Variants in GNG7 observed in about 807,000 individuals in gnomAD.
GNG7 encodes the protein guanine nucleotide-binding protein G(I)/G(S)/G(O) subunit gamma-7.
A neutral mutation model predicts 4.0 loss-of-function variants in GNG7; 1 was observed. That is an observed-to-expected ratio of 0.25 (90% CI 0.09 to 1.18). The LOEUF (loss-of-function observed/expected upper bound fraction) is 1.18. Ranked by LOEUF, GNG7 falls within the 50% of genes most tolerant of loss-of-function variation. GNG7 has a pLI of 0.50. For synonymous variants in GNG7, 34 were observed against 36.9 expected, an observed-to-expected ratio of 0.92 and a Z score of 0.29; for missense variants, 86 against 91.9, an observed-to-expected ratio of 0.94 and a Z score of 0.26.
At chr19:2,591,113 A>T (rs1423834056) in intron 2 of GNG7, among the ~76,000 whole-genome samples, 1 of 152,184 alleles carries the variant, frequency 6.6e-6, no homozygotes, top group East Asian at 1.9e-4. Context: ...TGGATTCCTG[A>T]TGCTCTCAGT....
intron 3 of GNG7, among the ~76,000 whole-genome samples, chr19:2,553,932 G>T (rs970679795): frequency 1.5e-5 from 2 of 135,668 alleles, no homozygotes; most frequent in Non-Finnish European, 3.1e-5. Flanking sequence ...GTAATATATT[G>T]TATGTAATAT....
chr19:2,638,486 A>ATGGAAGGGGG (rs1982387239), intron 2 of GNG7, among the ~76,000 whole-genome samples: 1 of 12,174 alleles, frequency 8.2e-5, no homozygotes, highest in Admixed American at 9.0e-4. Flanking sequence ...GGGGAGGGGA[A>ATGGAAGGGGG]GGGGAGGGGA....
Position 2,512,995 on chromosome 19 carries a change from G to T in GNG7, c.*2027C>A, listed in dbSNP as rs892650927. 6 of 985,342 alleles carry T rather than the reference G, an allele frequency of 6.1e-6. No individual in the cohort carries two copies. The highest frequency in any genetic ancestry group is 1.7e-5 in the African/African-American group (1 of 57,240). The allele number at this position is 985,342 out of a possible 1,614,324, so 61.0% of individuals were successfully genotyped here. ...TGGGGCTCTCCCGGGCCAACAGCAGGTTTGGCGGGTAGGGCTCCCCGAAGC... is the reference window on the plus strand; with the variant it reads ...TGGGGCTCTCCCGGGCCAACAGCAGTTTTGGCGGGTAGGGCTCCCCGAAGC... On this transcript the variant is annotated 3_prime_UTR_variant, in exon 5 of 5. Transcript: ENST00000382159. This position sits in a 1 kb window ranked among gnomAD's most constrained non-coding sequence, Gnocchi z 4.7.
intron 2 of GNG7, among the ~76,000 whole-genome samples, chr19:2,565,852 G>A (rs968495360): frequency 1.1e-4 from 16 of 152,076 alleles, no homozygotes; most frequent in Admixed American, 9.8e-4. Context: ...AATGATGTGT[G>A]CAGACATTTT....
intron 2 of GNG7, among the ~76,000 whole-genome samples, chr19:2,638,458 A>G (rs1187350664): frequency 1.5e-4 from 3 of 19,948 alleles, no homozygotes; most frequent in Non-Finnish European, 1.9e-4. Flanking sequence ...GGGGAGGGGG[A>G]GGGAAAGGGG....
intron 2 of GNG7, among the ~76,000 whole-genome samples, chr19:2,597,069 G>A (rs1981044329): frequency 6.6e-6 from 1 of 151,652 alleles, no homozygotes; most frequent in African/African-American, 2.4e-5. Context: ...GATCATCCTG[G>A]ACAACATAGC....
At chr19:2,521,635 A>C (rs1978309562) in intron 3 of GNG7, among the ~76,000 whole-genome samples, 1 of 27,042 alleles carries the variant, frequency 3.7e-5, no homozygotes, top group Admixed American at 3.9e-4. Flanking sequence ...TTTTTTTGAG[A>C]CAGAGTCTTG....
rs144022600 is a variant in GNG7, at chr19:2,667,637, G to A, written c.-134-21357C>T. On this transcript the variant is annotated intron_variant, in intron 1 of 4. Coordinates refer to ENST00000382159, the MANE Select transcript of GNG7 (RefSeq NM_052847.3). Reference sequence around the variant, plus strand: ...TACAAAAATAATTTAAAAGTAGGCCGAGCGCAATGGCTCATGCCTGTAATC... The same window carrying A: ...TACAAAAATAATTTAAAAGTAGGCCAAGCGCAATGGCTCATGCCTGTAATC... 3.5e-3 allele frequency among the ~76,000 whole-genome samples: 530 copies of A among 152,132 alleles called. 2 individuals carry two copies. Among genetic ancestry groups the A allele is most frequent in the African/African-American group, 0.012 (513 of 41,498 alleles).
chr19:2,527,071 C>T (rs1399358133), intron 3 of GNG7, among the ~76,000 whole-genome samples: 3 of 152,078 alleles, frequency 2.0e-5, no homozygotes, highest in Non-Finnish European at 2.9e-5. Flanking sequence ...GTCTCAAACT[C>T]CTGACCTAGT....
At position 2,694,242 on chromosome 19, in the gene GNG7, G is replaced by T. The variant is rs982079538; in HGVS notation, c.-135+8404C>A. Among the ~76,000 whole-genome samples the T allele has an allele frequency of 2.0e-5, 3 of 151,636 alleles. No homozygotes were observed. The South Asian group carries it at 6.2e-4, about 32-fold the overall frequency. On this transcript the variant is annotated intron_variant, in intron 1 of 4. Coordinates refer to ENST00000382159, the MANE Select transcript of GNG7 (RefSeq NM_052847.3). ...TTTTTTTGTTGCTTTTTTTTGGGGG[G>T]GGGCAGGGAATAGCACTTAACTAGT...
At chr19:2,562,670 C>T (rs972866282) in intron 2 of GNG7, among the ~76,000 whole-genome samples, 5 of 152,200 alleles carry the variant, frequency 3.3e-5, no homozygotes, top group African/African-American at 9.6e-5. Flanking sequence ...CAGACATTTA[C>T]TGAGTGTACC....
At chr19:2,554,127 T>C (rs1979471806) in intron 3 of GNG7, among the ~76,000 whole-genome samples, 1 of 146,942 alleles carries the variant, frequency 6.8e-6, no homozygotes, top group Non-Finnish European at 1.5e-5. Flanking sequence ...TATGATATAA[T>C]AGTATATTAT....
chr19:2,631,812 T>G (rs1403986056), intron 2 of GNG7: 2 of 152,260 alleles, frequency 1.3e-5, no homozygotes, highest in African/African-American at 4.8e-5. Context: ...GGACTTGGCC[T>G]GGGGGCCACA....
chr19:2,553,687 A>G (rs1161305613), intron 3 of GNG7, among the ~76,000 whole-genome samples: 4 of 125,786 alleles, frequency 3.2e-5, no homozygotes, highest in South Asian at 2.5e-4. Context: ...ATGTTATATT[A>G]CACACATGTG....
chr19:2,547,074 G>GCCCCC (rs796758760), intron 3 of GNG7, among the ~76,000 whole-genome samples: 1 of 142,818 alleles, frequency 7.0e-6, no homozygotes, highest in African/African-American at 2.6e-5. Flanking sequence ...CTCCACGCAT[G>GCCCCC]CCCCCCCCCC....
At position 2,696,347 on chromosome 19, in the gene GNG7, AAAAGAAAGAAAAG is replaced by A. The variant is rs1173933081; in HGVS notation, c.-135+6286_-135+6298del. On this transcript the variant is annotated intron_variant, in intron 1 of 4. Transcript: ENST00000382159. Reference sequence around the variant, plus strand: ...GAAAGAAAGAAAGAAAGAAAGAAAGAAAAGAAAGAAAAGAAAGAAAGAAAGGAAAGGAAGGGAA... The same window carrying A: ...GAAAGAAAGAAAGAAAGAAAGAAAGAAAAGAAAGAAAGGAAAGGAAGGGAA... 6.3e-3 allele frequency among the ~76,000 whole-genome samples: 754 copies of A among 119,186 alleles called. 9 individuals carry two copies. The highest frequency in any genetic ancestry group is 0.022 in the African/African-American group (703 of 31,550). The allele number at this position is 119,186 out of a possible 152,430, so 78.2% of individuals were successfully genotyped here.
intron 3 of GNG7, among the ~76,000 whole-genome samples, chr19:2,548,479 T>TG (rs1399381788): frequency 0.037 from 2,528 of 68,646 alleles, 108 homozygotes; most frequent in African/African-American, 0.16. Flanking sequence ...AGGCTCTGTC[T>TG]GGAAAAAAAA....
chr19:2,556,859 T>C (rs1009207396), intron 2 of GNG7, among the ~76,000 whole-genome samples: 24 of 152,134 alleles, frequency 1.6e-4, no homozygotes, highest in African/African-American at 5.6e-4. Flanking sequence ...GGCATCCACC[T>C]GCTCCGTGCC....
Position 2,514,841 on chromosome 19 carries a change from G to A in GNG7, c.*181C>T. 1.8e-6 allele frequency: 1 copy of A among 566,120 alleles called. No homozygotes were observed. Among genetic ancestry groups the A allele is most frequent in the Non-Finnish European group, 3.1e-6 (1 of 318,184 alleles). The allele number at this position is 566,120 out of a possible 1,614,324, so 35.1% of individuals were successfully genotyped here. ...TACAAGGTCCATTCTACCCCATCCGGGCGGTGGGAACGCCTTTTTTGGCGG... is the reference window on the plus strand; with the variant it reads ...TACAAGGTCCATTCTACCCCATCCGAGCGGTGGGAACGCCTTTTTTGGCGG... On this transcript the variant is annotated 3_prime_UTR_variant, in exon 5 of 5. Coordinates refer to ENST00000382159, the MANE Select transcript of GNG7 (RefSeq NM_052847.3).
Sources: allele counts gnomAD v4.1 joint callset (sites outside exome capture counted in the v4.1 genomes callset), GRCh38; gene constraint gnomAD v4.1.1; non-coding constraint Gnocchi (gnomAD v3.1); transcripts MANE v1.5; gene names NCBI Gene and HGNC (gene_info 2026-07-23, HGNC 2026-07-21).